The following CLSTN1 variants were observed in gnomAD, a reference collection of about 807,000 sequenced individuals.
CLSTN1 encodes calsyntenin 1.
In CLSTN1, 28 loss-of-function variants were observed where a neutral mutation model predicts 108.3. The observed-to-expected ratio is 0.26, with a 90% CI of 0.19 to 0.35. The LOEUF (loss-of-function observed/expected upper bound fraction) is 0.35, where lower values mean the gene tolerates loss of function less well. Among genes scored for constraint, CLSTN1 ranks in the 10% least tolerant of loss-of-function variants. The pLI is 1.00. For synonymous variants in CLSTN1, 524 were observed against 534.9 expected (o/e 0.98, Z 0.28); for missense variants, 1,157 against 1,302.6 (o/e 0.89, Z 1.72).
chr1:9,781,816 T>C (rs1038064842), intron 1 of CLSTN1, among the ~76,000 whole-genome samples: 1 of 152,186 alleles, frequency 6.6e-6, no homozygotes, highest in Non-Finnish European at 1.5e-5. Context: ...ATTTATAGCT[T>C]TGATAGCTTT....
chr1:9,777,990 G>A (rs986680177), intron 1 of CLSTN1, among the ~76,000 whole-genome samples: 1 of 152,018 alleles, frequency 6.6e-6, no homozygotes, highest in Non-Finnish European at 1.5e-5. Flanking sequence ...CGGCAGGGGA[G>A]GGCACTGGAG....
chr1:9,779,211 CTT>C (rs1054272274), intron 1 of CLSTN1, among the ~76,000 whole-genome samples: 3 of 152,158 alleles, frequency 2.0e-5, no homozygotes, highest in African/African-American at 7.2e-5. Context: ...AATAACTTGA[CTT>C]TGCAATCAGG....
chr1:9,736,651 G>A lies in CLSTN1; in HGVS notation c.1577-609C>T, dbSNP rs74974370. 7.8e-3 allele frequency among the ~76,000 whole-genome samples: 1,185 copies of A among 152,284 alleles called. 19 individuals are homozygous for A. The highest frequency in any genetic ancestry group is 0.028 in the African/African-American group (1,143 of 41,546). ...GGCCCTTGACAGATGACAACAAAGA[G>A]CCAGAAACAGGTTACACTAAACCTT... On this transcript the variant is annotated intron_variant, in intron 11 of 18. Coordinates refer to ENST00000377298, the MANE Select transcript of CLSTN1 (RefSeq NM_001009566.3).
intron 1 of CLSTN1, among the ~76,000 whole-genome samples, chr1:9,789,606 A>G (rs548280021): frequency 3.3e-5 from 5 of 151,554 alleles, no homozygotes; most frequent in African/African-American, 1.2e-4. Flanking sequence ...TTCCCCTCTC[A>G]ATACCGCATC....
intron 1 of CLSTN1, among the ~76,000 whole-genome samples, chr1:9,777,773 TAA>T (rs1653027852): frequency 1.3e-5 from 2 of 152,088 alleles, no homozygotes; most frequent in South Asian, 2.1e-4. Flanking sequence ...TTGCTCCCCT[TAA>T]CATAGTCTCT....
intron 2 of CLSTN1, among the ~76,000 whole-genome samples, chr1:9,769,152 G>A (rs1387115346): frequency 1.4e-5 from 2 of 147,156 alleles, no homozygotes; most frequent in African/African-American, 5.0e-5. Context: ...AGGGAGGGAG[G>A]AAGGGAGGGA....
At chr1:9,760,761 T>G (rs1035495713) in intron 2 of CLSTN1, among the ~76,000 whole-genome samples, 1 of 143,850 alleles carries the variant, frequency 7.0e-6, no homozygotes, top group Non-Finnish European at 1.5e-5. Flanking sequence ...ACTCCTGAGC[T>G]CAAGTGATCC....
At chr1:9,788,294 G>C (rs945270394) in intron 1 of CLSTN1, among the ~76,000 whole-genome samples, 5 of 151,426 alleles carry the variant, frequency 3.3e-5, no homozygotes, top group African/African-American at 1.2e-4. Flanking sequence ...TTCTAGGCCA[G>C]ATGCGGTAGC....
At chr1:9,765,406 T>C (rs1652277359) in intron 2 of CLSTN1, among the ~76,000 whole-genome samples, 1 of 151,144 alleles carries the variant, frequency 6.6e-6, no homozygotes, top group Non-Finnish European at 1.5e-5. Flanking sequence ...AAAATTGGCC[T>C]GGTGCGGTGG....
chr1:9,729,652 G>C lies in CLSTN1; in HGVS notation c.*856C>G, dbSNP rs994301816. ...CACAAGGCTGCACACGGTGAGACCA[G>C]GCCACTGCCCAGGGAGCTGCTGTCG... On this transcript the variant is annotated 3_prime_UTR_variant, in exon 19 of 19. Coordinates refer to ENST00000377298, the MANE Select transcript of CLSTN1 (RefSeq NM_001009566.3). The C allele has an allele frequency of 6.6e-6, 1 of 151,216 alleles. No individual in the cohort carries two copies. The highest frequency in any genetic ancestry group is 6.6e-5 in the Admixed American group (1 of 15,184). The allele number at this position is 151,216 out of a possible 1,614,324, so 9.4% of individuals were successfully genotyped here. A position where few individuals can be genotyped will look rare whatever the true frequency, so the allele number is the denominator to read the frequency against.
At chr1:9,814,156 T>C (rs1654879491) in intron 1 of CLSTN1, among the ~76,000 whole-genome samples, 1 of 150,700 alleles carries the variant, frequency 6.6e-6, no homozygotes. Flanking sequence ...ATGCTTGTAA[T>C]CCTAGCACTT....
At chr1:9,762,971 T>C (rs1231409514) in intron 2 of CLSTN1, among the ~76,000 whole-genome samples, 2 of 151,880 alleles carry the variant, frequency 1.3e-5, no homozygotes, top group Non-Finnish European at 2.9e-5. Flanking sequence ...TTTTTTTTTC[T>C]TTTTTTTGGA....
rs760186401 is a variant in CLSTN1, at chr1:9,823,154, T to A, written c.91+489A>T. ...AACGGGATGCGGAGGAGTGGGCTCT[T>A]ATGTAAGCACACACCAAAACTGTGC... is the stretch of plus-strand genomic sequence containing the variant. On this transcript the variant is annotated intron_variant, in intron 1 of 18. Coordinates refer to ENST00000377298, the MANE Select transcript of CLSTN1 (RefSeq NM_001009566.3). This position sits in a 1 kb window ranked among gnomAD's most constrained non-coding sequence, Gnocchi z 6.3. 3.3e-5 allele frequency among the ~76,000 whole-genome samples: 5 copies of A among 152,116 alleles called. No individual in the cohort carries two copies. Among genetic ancestry groups the A allele is most frequent in the Non-Finnish European group, 7.4e-5 (5 of 68,008 alleles).
chr1:9,737,407 G>A, intron 11 of CLSTN1, 91 bp downstream of exon 11: 1 of 1,194,636 alleles, frequency 8.4e-7, no homozygotes, highest in Non-Finnish European at 1.2e-6. Flanking sequence ...GGACCAAAAT[G>A]CAACTGGGGC....
chr1:9,764,594 G>A (rs1296276463), intron 2 of CLSTN1, among the ~76,000 whole-genome samples: 4 of 143,300 alleles, frequency 2.8e-5, no homozygotes, highest in African/African-American at 7.9e-5. Context: ...CTGAGATCCC[G>A]CTGCTGCATT....
chr1:9,732,003 C>A, intron 16 of CLSTN1, 107 bp from the exon 17 acceptor site: 2 of 1,342,716 alleles, frequency 1.5e-6, no homozygotes, highest in Non-Finnish European at 2.1e-6. Context: ...CAGAGTGGCT[C>A]CTGGACCGCA....
intron 1 of CLSTN1, among the ~76,000 whole-genome samples, chr1:9,782,611 G>C (rs1173467923): frequency 6.6e-6 from 1 of 152,124 alleles, no homozygotes; most frequent in Non-Finnish European, 1.5e-5. Flanking sequence ...GAAATTATTT[G>C]ATTTTTAAGT....
At chr1:9,747,245 C>T (rs978520180) in intron 7 of CLSTN1, among the ~76,000 whole-genome samples, 3 of 148,086 alleles carry the variant, frequency 2.0e-5, no homozygotes, top group African/African-American at 7.5e-5. Flanking sequence ...TTCTATTCTT[C>T]CTAACTTTAT....
chr1:9,771,422 T>C (rs928300808), intron 2 of CLSTN1, among the ~76,000 whole-genome samples: 1 of 152,124 alleles, frequency 6.6e-6, no homozygotes, highest in African/African-American at 2.4e-5. Context: ...AAGACCAGCC[T>C]GGCCAATATG....
Sources: allele counts gnomAD v4.1 joint callset (sites outside exome capture counted in the v4.1 genomes callset), GRCh38; gene constraint gnomAD v4.1.1; non-coding constraint Gnocchi (gnomAD v3.1); transcripts MANE v1.5; gene names NCBI Gene and HGNC (gene_info 2026-07-23, HGNC 2026-07-21).